Variants in SLC26A7 observed in about 807,000 individuals in gnomAD.
SLC26A7 encodes anion exchange transporter.
Under a neutral mutation model 82.5 loss-of-function variants are expected in SLC26A7, and 59 were observed. The ratio of observed to expected loss-of-function variants is 0.72; its 90% CI spans 0.58 to 0.89. The LOEUF (loss-of-function observed/expected upper bound fraction) is 0.89. Among genes scored for constraint, SLC26A7 ranks in the 40% least tolerant of loss-of-function variants. SLC26A7 has a pLI of 0.00. For synonymous variants in SLC26A7, 271 were observed against 274.3 expected (o/e 0.99, Z 0.12); for missense variants, 820 against 793.0 (o/e 1.03, Z -0.41).
intron 9 of SLC26A7, among the ~76,000 whole-genome samples, chr8:91,347,882 A>G (rs1284171530): frequency 6.6e-6 from 1 of 152,228 alleles, no homozygotes; most frequent in Non-Finnish European, 1.5e-5. Flanking sequence ...AATAGCACAA[A>G]AAAATTACAT....
chr8:91,340,828 G>A (rs1393360801), intron 8 of SLC26A7, among the ~76,000 whole-genome samples: 3 of 151,968 alleles, frequency 2.0e-5, no homozygotes, highest in Admixed American at 2.0e-4. Context: ...ATTTATTATT[G>A]CATGCTAATG....
chr8:91,310,241 C>G (rs1030035542), intron 4 of SLC26A7, among the ~76,000 whole-genome samples: 1 of 152,196 alleles, frequency 6.6e-6, no homozygotes, highest in Non-Finnish European at 1.5e-5. Context: ...TTTCCGCCAA[C>G]AGGCGTCAAA....
chr8:91,292,816 T>C (rs1811909971), intron 3 of SLC26A7, among the ~76,000 whole-genome samples: 1 of 152,044 alleles, frequency 6.6e-6, no homozygotes, highest in Non-Finnish European at 1.5e-5. Flanking sequence ...TACACAACAG[T>C]AAAAAACCTG....
chr8:91,335,798 A>G (rs6995526), intron 6 of SLC26A7, among the ~76,000 whole-genome samples: 26,425 of 152,190 alleles, frequency 0.17, 2,706 homozygotes, highest in Middle Eastern at 0.3. Context: ...TATGTTGACA[A>G]ACATCCCTTA....
At chr8:91,255,236 A>G (rs1810769818) in intron 2 of SLC26A7, among the ~76,000 whole-genome samples, 2 of 152,248 alleles carry the variant, frequency 1.3e-5, no homozygotes, top group African/African-American at 4.8e-5. Flanking sequence ...CCTGATGTTC[A>G]AACCACAAGG....
Position 91,295,625 on chromosome 8 carries a change from CGTGCT to C in SLC26A7, c.401_405del (p.Val134GlyfsTer6). On this transcript the variant is annotated frameshift_variant, in exon 4 of 19. Coordinates refer to ENST00000276609, the MANE Select transcript of SLC26A7 (RefSeq NM_052832.4). LOFTEE classifies it high-confidence loss of function. The stretch of plus-strand genomic sequence containing the variant: ...ATCTCACCACACAGAGTAACACAAG[CGTGCT>C]GGGCTTATCCGACTTTGAAATGCAA... 2.5e-6 allele frequency: 4 copies of C among 1,614,098 alleles called. No individual in the cohort carries two copies. The highest frequency in any genetic ancestry group is 2.7e-5 in the African/African-American group (2 of 75,030).
At chr8:91,366,762 T>A in intron 14 of SLC26A7, 45 bp downstream of exon 14, 1 of 1,569,506 alleles carries the variant, frequency 6.4e-7, no homozygotes, top group Non-Finnish European at 8.6e-7. Flanking sequence ...CATGTAGCCT[T>A]ATATCATGAC....
intron 4 of SLC26A7, among the ~76,000 whole-genome samples, chr8:91,299,978 G>T (rs946316955): frequency 6.6e-6 from 1 of 152,228 alleles, no homozygotes; most frequent in Non-Finnish European, 1.5e-5. Context: ...AGAAAGAGTT[G>T]TGTGTGGGGA....
At position 91,351,850 on chromosome 8, in the gene SLC26A7, T is replaced by C. The variant is rs773637789; in HGVS notation, c.1181T>C (p.Ile394Thr). ...TCTTGCATTTTCGTCCTTATAGTCA[T>C]CTATGCAATAGGACCTTTGCTTTAC... is the stretch of plus-strand genomic sequence containing the variant. ...LISCIFVLIV[I>T]YAIGPLLYWL... Residue 394 changes from isoleucine to threonine, a missense_variant, in exon 10 of 19, where the codon ATC (isoleucine) becomes ACC (threonine). Physicochemically the swap from Ile to Thr is moderately conservative, Grantham distance 89. Transcript: ENST00000276609. 17 of 1,612,646 alleles carry C rather than the reference T, an allele frequency of 1.1e-5. No individual in the cohort carries two copies. The African/African-American group carries it at 1.6e-4, about 15-fold the overall frequency.
intron 6 of SLC26A7, among the ~76,000 whole-genome samples, chr8:91,336,643 T>A (rs1031655828): frequency 9.2e-5 from 14 of 151,966 alleles, no homozygotes; most frequent in Non-Finnish European, 2.1e-4. Flanking sequence ...CTTGCCCAGG[T>A]CTAAGGGCAG....
intron 2 of SLC26A7, among the ~76,000 whole-genome samples, chr8:91,232,518 C>T (rs1810323280): frequency 6.6e-6 from 1 of 152,128 alleles, no homozygotes; most frequent in South Asian, 2.1e-4. Flanking sequence ...GTAGATTTTC[C>T]AGGGCATGTG....
At position 91,352,915 on chromosome 8, in the gene SLC26A7, C is replaced by A; in HGVS notation, c.1233C>A (p.Ser411Arg). 2 of 1,603,636 alleles carry A rather than the reference C, an allele frequency of 1.2e-6. No individual in the cohort carries two copies. The highest frequency in any genetic ancestry group is 1.7e-6 in the Non-Finnish European group (2 of 1,175,614). ...TTTATTTCTAGTGTGTCCTTGCAAG[C>A]ATTATTGTTGTGGGACTGAAGGGAA... Reference protein sequence around the residue: ...LYWLPMCVLASIIVVGLKGML... With the variant: ...LYWLPMCVLARIIVVGLKGML... The change falls in exon 11 of 19, where the codon AGC becomes AGA. Residue 411 changes from serine (S) to arginine (R), a missense_variant. Physicochemically the swap from Ser to Arg is moderately radical, Grantham distance 110 (BLOSUM62 -1). Transcript: ENST00000276609.
rs139917754 is a variant in SLC26A7, at chr8:91,279,646, G to T, written c.194-9490G>T. Among the ~76,000 whole-genome samples, 1,172 of 127,896 alleles carry T rather than the reference G, an allele frequency of 9.2e-3. 10 individuals carry two copies. The highest frequency in any genetic ancestry group is 0.031 in the African/African-American group (1,063 of 34,034). 83.9% of individuals were successfully genotyped at this position (127,896 alleles called of 152,430 possible). ...GTAGTCTCGGCTCACTGCAAGCTCCGCCTCCCGGGTTCACGCCATTCTCCT... is the reference window on the plus strand; with the variant it reads ...GTAGTCTCGGCTCACTGCAAGCTCCTCCTCCCGGGTTCACGCCATTCTCCT... On this transcript the variant is annotated intron_variant, in intron 2 of 18. Transcript: ENST00000276609.
At chr8:91,327,187 TTA>T (rs1271461510) in intron 5 of SLC26A7, among the ~76,000 whole-genome samples, 2 of 152,098 alleles carry the variant, frequency 1.3e-5, no homozygotes, top group African/African-American at 4.8e-5. Context: ...TGAGGAGGTT[TTA>T]TGTTTTTGCT....
intron 2 of SLC26A7, among the ~76,000 whole-genome samples, chr8:91,265,103 C>G (rs1355943150): frequency 6.6e-6 from 1 of 152,032 alleles, no homozygotes; most frequent in Non-Finnish European, 1.5e-5. Context: ...ATGAGATAAA[C>G]CTTTTTAGAT....
intron 5 of SLC26A7, among the ~76,000 whole-genome samples, chr8:91,328,195 G>A (rs889181323): frequency 6.6e-6 from 1 of 151,998 alleles, no homozygotes; most frequent in South Asian, 2.1e-4. Context: ...TTCCTGCATA[G>A]GTATTTCTTT....
chr8:91,305,880 A>G lies in SLC26A7; in HGVS notation c.477+10177A>G, dbSNP rs565615474. On this transcript the variant is annotated intron_variant, in intron 4 of 18. Transcript: ENST00000276609. ...TTCCTTTACTATTCCTGTTATACCA[A>G]CACTTTAAATGGCCATTCTATCATG... Among the ~76,000 whole-genome samples the G allele has an allele frequency of 3.9e-5, 6 of 152,166 alleles. No individual in the cohort carries two copies. The South Asian group carries it at 1.2e-3, about 32-fold the overall frequency.
intron 2 of SLC26A7, among the ~76,000 whole-genome samples, chr8:91,276,813 A>G (rs1811419510): frequency 6.6e-6 from 1 of 152,210 alleles, no homozygotes; most frequent in Non-Finnish European, 1.5e-5. Flanking sequence ...TCCATATCAC[A>G]GAAACTTTTC....
At chr8:91,332,542 G>C (rs1250274826) in intron 5 of SLC26A7, among the ~76,000 whole-genome samples, 2 of 127,882 alleles carry the variant, frequency 1.6e-5, no homozygotes, top group Non-Finnish European at 3.3e-5. Context: ...ACATATTTAA[G>C]CTAGAGACAG....
Sources: allele counts gnomAD v4.1 joint callset (sites outside exome capture counted in the v4.1 genomes callset), GRCh38; gene constraint gnomAD v4.1.1; transcripts MANE v1.5; gene names NCBI Gene and HGNC (gene_info 2026-07-23, HGNC 2026-07-21).